Variants in LMTK2 observed in about 807,000 individuals in gnomAD.
The protein encoded by LMTK2 is lemur tail kinase 2.
A neutral mutation model predicts 127.5 loss-of-function variants in LMTK2; 37 were observed. The ratio of observed to expected loss-of-function variants is 0.29; its 90% CI spans 0.22 to 0.38. The LOEUF (loss-of-function observed/expected upper bound fraction) is 0.38, where lower values mean the gene tolerates loss of function less well. Ranked by LOEUF, LMTK2 falls within the 10% of genes least tolerant of loss-of-function variation. The pLI, the probability that LMTK2 is intolerant of heterozygous loss-of-function variation, is 1.00. For synonymous variants in LMTK2, 819 were observed against 810.1 expected, an observed-to-expected ratio of 1.01 and a Z score of -0.19; for missense variants, 1,694 against 1,920.3, an observed-to-expected ratio of 0.88 and a Z score of 2.20.
intron 1 of LMTK2, among the ~76,000 whole-genome samples, chr7:98,127,086 G>C (rs765740912): frequency 3.9e-5 from 6 of 152,144 alleles, no homozygotes; most frequent in Non-Finnish European, 7.3e-5. Flanking sequence ...TAGATATATT[G>C]TTATATTATG....
In LMTK2 at chr7:98,207,378, A is replaced by G. The variant is rs1303079157; in HGVS notation, c.*1886A>G. 6.6e-6 allele frequency: 1 copy of G among 152,020 alleles called. No homozygotes were observed. The highest frequency in any genetic ancestry group is 1.5e-5 in the Non-Finnish European group (1 of 68,026). 9.4% of individuals were successfully genotyped at this position (152,020 alleles called of 1,614,324 possible). ...TTCCACCCTACTCCTCTCATTTTTT[A>G]TACTAAGCAATAACTTTCCAAAGCA... On this transcript the variant is annotated 3_prime_UTR_variant, in exon 14 of 14. Coordinates refer to ENST00000297293, the MANE Select transcript of LMTK2 (RefSeq NM_014916.4).
chr7:98,204,334 A>G (rs1311895233), intron 13 of LMTK2, 148 bp downstream of exon 13: 3 of 1,073,042 alleles, frequency 2.8e-6, no homozygotes, highest in African/African-American at 3.2e-5. Flanking sequence ...TAAAACTCCC[A>G]TCATCAGCTG....
At chr7:98,198,220 C>T (rs1797657119) in intron 11 of LMTK2, among the ~76,000 whole-genome samples, 2 of 144,412 alleles carry the variant, frequency 1.4e-5, no homozygotes, top group Admixed American at 7.0e-5. Flanking sequence ...TTTGAGACGT[C>T]TCACTCTGTC....
At chr7:98,162,152 T>C (rs1797026432) in intron 6 of LMTK2, among the ~76,000 whole-genome samples, 1 of 152,186 alleles carries the variant, frequency 6.6e-6, no homozygotes. Flanking sequence ...ATGGGCTTTG[T>C]TTTAATGCTA....
chr7:98,121,193 C>A (rs746578403), intron 1 of LMTK2, among the ~76,000 whole-genome samples: 10 of 152,080 alleles, frequency 6.6e-5, no homozygotes, highest in African/African-American at 2.4e-4. Context: ...TAGTGCGATG[C>A]GCATGCACAC....
At chr7:98,150,307 C>CAAAAA (rs35422809) in intron 3 of LMTK2, among the ~76,000 whole-genome samples, 1 of 116,998 alleles carries the variant, frequency 8.5e-6, no homozygotes, top group African/African-American at 3.9e-5. Flanking sequence ...GACCCTGTCT[C>CAAAAA]AAAAAAAAAA....
At chr7:98,140,360 C>G (rs1796678265) in intron 2 of LMTK2, among the ~76,000 whole-genome samples, 1 of 151,780 alleles carries the variant, frequency 6.6e-6, no homozygotes, top group African/African-American at 2.4e-5. Flanking sequence ...CCATGTTGCC[C>G]AGGCTGGCCT....
chr7:98,131,673 T>C (rs907391064), intron 1 of LMTK2, among the ~76,000 whole-genome samples: 1 of 152,216 alleles, frequency 6.6e-6, no homozygotes, highest in Non-Finnish European at 1.5e-5. Context: ...TAAAATGTTA[T>C]TTTGGATTAA....
At chr7:98,142,818 TTTCTC>T (rs1402182264) in intron 3 of LMTK2, among the ~76,000 whole-genome samples, 2 of 152,226 alleles carry the variant, frequency 1.3e-5, no homozygotes, top group African/African-American at 4.8e-5. Flanking sequence ...CATTTCTGAT[TTTCTC>T]TTCTCTTTGC....
At chr7:98,203,818 A>G in intron 12 of LMTK2, 112 bp downstream of exon 12, 1 of 1,568,332 alleles carries the variant, frequency 6.4e-7, no homozygotes, top group Non-Finnish European at 8.7e-7. Flanking sequence ...ACATGGGCAC[A>G]GAACTGCCAT....
intron 7 of LMTK2, among the ~76,000 whole-genome samples, chr7:98,182,159 T>A (rs551860353): frequency 6.6e-6 from 1 of 152,022 alleles, no homozygotes; most frequent in South Asian, 2.1e-4. Flanking sequence ...TAGAAGAAAA[T>A]AAGGAAAAAA....
chr7:98,194,205 T>A lies in LMTK2; in HGVS notation c.3740T>A (p.Leu1247Gln). ...AYTNSALDKSLSSHSEGPKLK... is the reference protein window; with the variant it reads ...AYTNSALDKSQSSHSEGPKLK... ...ACCAATTCTGCGCTGGACAAGTCCC[T>A]GTCCAGCCACTCCGAGGGCCCGAAG... Residue 1247 changes from leucine (L) to glutamine (Q), a missense_variant, in exon 11 of 14, where the codon CTG becomes CAG. Leu to Gln is a moderately radical substitution (Grantham distance 113). Transcript: ENST00000297293. The surrounding 1 kb of genome is among the most constrained non-coding windows in gnomAD (Gnocchi z 5.4). 6.2e-7 allele frequency: 1 copy of A among 1,613,990 alleles called. No individual in the cohort carries two copies. Among genetic ancestry groups the A allele is most frequent in the Non-Finnish European group, 8.5e-7 (1 of 1,180,012 alleles).
At position 98,205,062 on chromosome 7, in the gene LMTK2, A is replaced by G. The variant is rs1266732976; in HGVS notation, c.4484-402A>G. ...GCCTTCTTTCCCCGTCACTAGATTG[A>G]AAGATAAAGGTTAATAGGCTCATTT... is the stretch of plus-strand genomic sequence containing the variant. On this transcript the variant is annotated intron_variant, in intron 13 of 13. Coordinates refer to ENST00000297293, the MANE Select transcript of LMTK2 (RefSeq NM_014916.4). Among the ~76,000 whole-genome samples the G allele has an allele frequency of 2.6e-5, 4 of 152,338 alleles. No homozygotes were observed. In the East Asian group the frequency reaches 7.7e-4, roughly 29 times the overall value.
chr7:98,123,737 A>G (rs1228238745), intron 1 of LMTK2, among the ~76,000 whole-genome samples: 2 of 152,070 alleles, frequency 1.3e-5, no homozygotes, highest in Non-Finnish European at 2.9e-5. Flanking sequence ...AGACATACAC[A>G]TGTATGTGTA....
Position 98,194,473 on chromosome 7 carries a change from C to A in LMTK2, c.4008C>A (p.Pro1336=). ...DGRHLRSLLK[P]TAANAPDPLP... The stretch of plus-strand genomic sequence containing the variant: ...GGCACCTGCGGAGTCTGTTGAAGCC[C>A]ACAGCGGCCAATGCCCCCGACCCAC... The change falls in exon 11 of 14, where the codon CCC becomes CCA. Residue 1336 remains proline (P), a synonymous_variant. Transcript: ENST00000297293. This position sits in a 1 kb window ranked among gnomAD's most constrained non-coding sequence, Gnocchi z 5.4. 6.2e-7 allele frequency: 1 copy of A among 1,614,012 alleles called. No individual in the cohort carries two copies. The highest frequency in any genetic ancestry group is 8.5e-7 in the Non-Finnish European group (1 of 1,180,034).
rs554869796 is a variant in LMTK2, at chr7:98,185,278, T to C, written c.876+143T>C. Reference sequence around the variant, plus strand: ...ATTTGCAGCAGTCATTTTAATGTGGTCTAGGCTTCTGGCGTGTGGCTTGTG... The same window carrying C: ...ATTTGCAGCAGTCATTTTAATGTGGCCTAGGCTTCTGGCGTGTGGCTTGTG... On this transcript the variant is annotated intron_variant, in intron 8 of 13. Transcript: ENST00000297293. 1.4e-4 allele frequency: 84 copies of C among 589,686 alleles called. 2 individuals carry two copies. In the South Asian group the frequency reaches 2.0e-3, roughly 14 times the overall value. The allele number at this position is 589,686 out of a possible 1,614,324, so 36.5% of individuals were successfully genotyped here. A position where few individuals can be genotyped will look rare whatever the true frequency, so the allele number is the denominator to read the frequency against.
chr7:98,148,479 C>G (rs7797765), intron 3 of LMTK2, among the ~76,000 whole-genome samples: 1 of 144,384 alleles, frequency 6.9e-6, no homozygotes, highest in Non-Finnish European at 1.5e-5. Flanking sequence ...GGTGACAGAG[C>G]GAGACTCCGT....
At chr7:98,191,175 C>T (rs1395056525) in intron 10 of LMTK2, among the ~76,000 whole-genome samples, 1 of 152,134 alleles carries the variant, frequency 6.6e-6, no homozygotes, top group Non-Finnish European at 1.5e-5. Flanking sequence ...TCTTGAACTC[C>T]TGGCTCAAGT....
intron 11 of LMTK2, among the ~76,000 whole-genome samples, chr7:98,201,421 T>C (rs1797702393): frequency 6.6e-6 from 1 of 152,214 alleles, no homozygotes; most frequent in Admixed American, 6.5e-5. Context: ...GTGAACACTT[T>C]GGGCGTCATG....
Sources: gnomAD v4.1 joint callset for allele counts (sites outside exome capture counted in the v4.1 genomes callset) on GRCh38, gnomAD v4.1.1 for gene constraint, Gnocchi (gnomAD v3.1) non-coding constraint, MANE v1.5 for transcripts, NCBI Gene and HGNC (gene_info 2026-07-23, HGNC 2026-07-21) for gene names.